TRPS1: variants seen among roughly 807,000 people sequenced by gnomAD.
TRPS1 encodes the protein transcriptional repressor GATA binding 1.
Under a neutral mutation model 101.2 loss-of-function variants are expected in TRPS1, and 6 were observed. The ratio of observed to expected loss-of-function variants is 0.06; its 90% CI spans 0.03 to 0.12. The LOEUF (loss-of-function observed/expected upper bound fraction) is 0.12. Ranked by LOEUF, TRPS1 falls within the 10% of genes least tolerant of loss-of-function variation. The pLI, the probability that TRPS1 is intolerant of heterozygous loss-of-function variation, is 1.00. For synonymous variants in TRPS1, 578 were observed against 589.8 expected (o/e 0.98, Z 0.29); for missense variants, 1,363 against 1,567.0 (o/e 0.87, Z 2.20).
intron 4 of TRPS1, among the ~76,000 whole-genome samples, chr8:115,600,413 C>T (rs893579873): frequency 6.6e-6 from 1 of 152,122 alleles, no homozygotes; most frequent in African/African-American, 2.4e-5. Context: ...TTTCTACAGA[C>T]AAATTTGTGT....
At chr8:115,546,722 T>C (rs1258111075) in intron 5 of TRPS1, among the ~76,000 whole-genome samples, 2 of 152,154 alleles carry the variant, frequency 1.3e-5, no homozygotes, top group Non-Finnish European at 2.9e-5. Context: ...GTACCTAATA[T>C]AAGCAGACAT....
intron 5 of TRPS1, among the ~76,000 whole-genome samples, chr8:115,467,344 C>T (rs1463024763): frequency 1.3e-5 from 2 of 151,692 alleles, no homozygotes; most frequent in African/African-American, 2.4e-5. Context: ...TTTAAAAATG[C>T]TCCAGGAACA....
In TRPS1 at chr8:115,619,940, T is replaced by C; in HGVS notation, c.158A>G (p.Asp53Gly). Residue 53 changes from aspartate to glycine, a missense_variant, in exon 3 of 7, where the codon GAT (aspartate) becomes GGT (glycine). By Grantham distance (94) the Asp-to-Gly change is moderately conservative. Around this residue, in one of 5 missense-constraint regions of TRPS1, gnomAD observed 1,020 missense variants for 1,073.0 expected, o/e 0.95. Transcript: ENST00000395715. ...CTGATCCGTATTTTCTGACATCTGA[T>C]CTGCAGAAAATTCTTTGTTCTTTCC... ...VSGKNKEFSA[D>G]QMSENTDQSD... 6.2e-7 allele frequency: 1 copy of C among 1,614,216 alleles called. No homozygotes were observed. Among genetic ancestry groups the C allele is most frequent in the Non-Finnish European group, 8.5e-7 (1 of 1,180,040 alleles).
intron 5 of TRPS1, among the ~76,000 whole-genome samples, chr8:115,488,791 A>G (rs1408583977): frequency 6.6e-6 from 1 of 152,234 alleles, no homozygotes; most frequent in East Asian, 1.9e-4. Context: ...AATTCATACT[A>G]AAAGGCAGAA....
In TRPS1 at chr8:115,414,933, G is replaced by C; in HGVS notation, c.2975C>G (p.Pro992Arg). Residue 992 changes from proline to arginine, a missense_variant, in exon 7 of 7, where the codon CCG becomes CGG. By Grantham distance (103) the Pro-to-Arg change is moderately radical. This residue lies in a region of TRPS1 where 307 missense variants were observed against 392.4 expected (regional missense o/e 0.78). Coordinates refer to ENST00000395715, the MANE Select transcript of TRPS1 (RefSeq NM_014112.5). The surrounding 1 kb of genome is among the most constrained non-coding windows in gnomAD (Gnocchi z 4.8). ...ATGATCTTCTGACCTCCTCTCTAAC[G>C]GGCTTCCATTGACTTGCTCCTCATT... Reference protein sequence around the residue: ...GSNEEQVNGSPLERRSEDHLT... With the variant: ...GSNEEQVNGSRLERRSEDHLT... The C allele has an allele frequency of 1.2e-6, 2 of 1,600,392 alleles. No homozygotes were observed. The highest frequency in any genetic ancestry group is 1.7e-6 in the Non-Finnish European group (2 of 1,173,432).
At chr8:115,553,381 T>C (rs1014874999) in intron 5 of TRPS1, among the ~76,000 whole-genome samples, 12 of 152,206 alleles carry the variant, frequency 7.9e-5, no homozygotes, top group African/African-American at 2.9e-4. Flanking sequence ...ATTATCCACA[T>C]TCTGAATGTT....
intron 5 of TRPS1, among the ~76,000 whole-genome samples, chr8:115,437,988 G>A (rs1813497290): frequency 6.6e-6 from 1 of 152,034 alleles, no homozygotes; most frequent in Non-Finnish European, 1.5e-5. Flanking sequence ...GTTTTATGAG[G>A]TTATTAAGGC....
intron 5 of TRPS1, among the ~76,000 whole-genome samples, chr8:115,536,515 T>A (rs1160282167): frequency 3.0e-5 from 3 of 101,030 alleles, no homozygotes; most frequent in Non-Finnish European, 5.3e-5. Flanking sequence ...AGAGGGAGAC[T>A]CCGTCTCAAA....
At position 115,616,760 on chromosome 8, in the gene TRPS1, A is replaced by G. The variant is rs539306709; in HGVS notation, c.966+2372T>C. On this transcript the variant is annotated intron_variant, in intron 3 of 6. Coordinates refer to ENST00000395715, the MANE Select transcript of TRPS1 (RefSeq NM_014112.5). ...TACACACAGGCCATTAACTTACTAT[A>G]TATTTCTGACAAAACTACATTAAAG... Among the ~76,000 whole-genome samples, 8 of 152,260 alleles carry G rather than the reference A, an allele frequency of 5.3e-5. No individual in the cohort carries two copies. The East Asian group carries it at 1.4e-3, about 26-fold the overall frequency.
At chr8:115,543,439 T>A (rs1269635282) in intron 5 of TRPS1, among the ~76,000 whole-genome samples, 2 of 152,100 alleles carry the variant, frequency 1.3e-5, no homozygotes, top group South Asian at 2.1e-4. Context: ...TTTTTTTAAA[T>A]TTTTTTTGCC....
At chr8:115,416,333 G>A (rs796862056) in intron 6 of TRPS1, among the ~76,000 whole-genome samples, 25 of 151,878 alleles carry the variant, frequency 1.6e-4, no homozygotes, top group African/African-American at 5.5e-4. Flanking sequence ...AAAGGAATCA[G>A]TTTGATAAAT....
In TRPS1 at chr8:115,484,645, G is replaced by A. The variant is rs558320885; in HGVS notation, c.2701-66193C>T. Among the ~76,000 whole-genome samples, 16 of 152,196 alleles carry A rather than the reference G, an allele frequency of 1.1e-4. No individual in the cohort carries two copies. In the East Asian group the frequency reaches 3.1e-3, roughly 29 times the overall value. On this transcript the variant is annotated intron_variant, in intron 5 of 6. Transcript: ENST00000395715. ...CTTCATCTAAAAGAGCTTCAAAAAT[G>A]ACTTTTTTCCTGGAAATCACACCAA...
At chr8:115,564,186 A>G (rs1178871792) in intron 5 of TRPS1, among the ~76,000 whole-genome samples, 1 of 152,120 alleles carries the variant, frequency 6.6e-6, no homozygotes, top group Admixed American at 6.6e-5. Context: ...CAGCGATTAA[A>G]TACAATACTA....
chr8:115,483,098 A>G (rs574791185), intron 5 of TRPS1, among the ~76,000 whole-genome samples: 1 of 152,254 alleles, frequency 6.6e-6, no homozygotes, highest in East Asian at 1.9e-4. Flanking sequence ...TCCAGAACCT[A>G]ACTGAACAGA....
chr8:115,655,759 G>A (rs1811663413), intron 1 of TRPS1, among the ~76,000 whole-genome samples: 1 of 152,062 alleles, frequency 6.6e-6, no homozygotes, highest in Non-Finnish European at 1.5e-5. Context: ...GTACATAGAG[G>A]CTTTGAATTA....
At chr8:115,576,257 C>T (rs1198902074) in intron 5 of TRPS1, among the ~76,000 whole-genome samples, 1 of 151,278 alleles carries the variant, frequency 6.6e-6, no homozygotes, top group Non-Finnish European at 1.5e-5. Flanking sequence ...GGTTGGAAAT[C>T]ATATTTAAGA....
intron 5 of TRPS1, among the ~76,000 whole-genome samples, chr8:115,578,815 A>G (rs1449027942): frequency 6.6e-6 from 1 of 152,130 alleles, no homozygotes; most frequent in African/African-American, 2.4e-5. Context: ...CGCAATAAGC[A>G]TGTATCACTT....
At chr8:115,547,773 G>A (rs192169593) in intron 5 of TRPS1, among the ~76,000 whole-genome samples, 4 of 152,090 alleles carry the variant, frequency 2.6e-5, no homozygotes, top group African/African-American at 7.2e-5. Flanking sequence ...TTCCTTCTAC[G>A]CTGCACTTAT....
chr8:115,606,160 G>T (rs1818033164), intron 3 of TRPS1, among the ~76,000 whole-genome samples: 1 of 152,100 alleles, frequency 6.6e-6, no homozygotes. Flanking sequence ...CATGAGAAAA[G>T]TCTCAGGCAT....
Sources: gnomAD v4.1 joint callset for allele counts (sites outside exome capture counted in the v4.1 genomes callset) on GRCh38, gnomAD v4.1.1 for gene constraint, gnomAD v4.1.1 regional missense constraint, Gnocchi (gnomAD v3.1) non-coding constraint, MANE v1.5 for transcripts, NCBI Gene and HGNC (gene_info 2026-07-23, HGNC 2026-07-21) for gene names.